The following CHST11 variants were observed in gnomAD, a reference collection of about 807,000 sequenced individuals.
CHST11 encodes the protein carbohydrate sulfotransferase 11.
In CHST11, 9 loss-of-function variants were observed where a neutral mutation model predicts 30.4. The ratio of observed to expected loss-of-function variants is 0.30; its 90% CI spans 0.18 to 0.52. The LOEUF (loss-of-function observed/expected upper bound fraction) is 0.52. Ranked by LOEUF, CHST11 falls within the 20% of genes least tolerant of loss-of-function variation. The pLI is 0.97. For synonymous variants in CHST11, 152 were observed against 187.8 expected (o/e 0.81, Z 1.56); for missense variants, 348 against 460.6 (o/e 0.76, Z 2.24).
At chr12:104,573,253 A>G (rs1345591811) in intron 1 of CHST11, among the ~76,000 whole-genome samples, 3 of 152,154 alleles carry the variant, frequency 2.0e-5, no homozygotes, top group Non-Finnish European at 4.4e-5. Context: ...ATGGATAGGA[A>G]GAATCAATAT....
chr12:104,520,133 A>G (rs1302147700), intron 1 of CHST11, among the ~76,000 whole-genome samples: 3 of 152,130 alleles, frequency 2.0e-5, no homozygotes, highest in Non-Finnish European at 4.4e-5. Context: ...CACCCATGCT[A>G]CAGGCAGTAA....
At chr12:104,705,039 A>T (rs1314623890) in intron 2 of CHST11, among the ~76,000 whole-genome samples, 1 of 151,128 alleles carries the variant, frequency 6.6e-6, no homozygotes, top group Admixed American at 6.6e-5. Context: ...ATAATATGAA[A>T]CTCTCCTTCC....
At chr12:104,565,369 C>T (rs956979589) in intron 1 of CHST11, among the ~76,000 whole-genome samples, 1 of 148,308 alleles carries the variant, frequency 6.7e-6, no homozygotes, top group East Asian at 2.0e-4. Flanking sequence ...CAGGTTCAAG[C>T]GATTCTCCTG....
At chr12:104,613,092 G>T (rs2039074743) in intron 2 of CHST11, among the ~76,000 whole-genome samples, 1 of 151,924 alleles carries the variant, frequency 6.6e-6, no homozygotes, top group Non-Finnish European at 1.5e-5. Flanking sequence ...AGGCATGGTG[G>T]CACGTGCCTG....
At chr12:104,675,742 A>G (rs1345305038) in intron 2 of CHST11, among the ~76,000 whole-genome samples, 1 of 152,216 alleles carries the variant, frequency 6.6e-6, no homozygotes, top group African/African-American at 2.4e-5. Context: ...TAACATTGCC[A>G]TTCTTACAGG....
At position 104,457,334 on chromosome 12, in the gene CHST11, T is replaced by C. The variant is rs111789728; in HGVS notation, c.-78T>C. On this transcript the variant is annotated 5_prime_UTR_variant, in exon 1 of 3. Transcript: ENST00000303694. ...CTGCCCCGCGCCTCCCGGGCTCCGG[T>C]CCGCGCGGCGGGGTCCCTGCTCCTG... The C allele has an allele frequency of 0.12, 120,396 of 1,020,468 alleles. 7,986 individuals carry two copies. Among genetic ancestry groups the C allele is most frequent in the African/African-American group, 0.21 (13,112 of 62,948 alleles). 63.2% of individuals were successfully genotyped at this position (1,020,468 alleles called of 1,614,324 possible). A position where few individuals can be genotyped will look rare whatever the true frequency, so the allele number is the denominator to read the frequency against.
intron 1 of CHST11, among the ~76,000 whole-genome samples, chr12:104,554,385 C>T (rs1223075861): frequency 1.3e-5 from 2 of 152,160 alleles, no homozygotes; most frequent in Non-Finnish European, 2.9e-5. Flanking sequence ...AAATGCCCAT[C>T]TTGATGGGCC....
intron 2 of CHST11, among the ~76,000 whole-genome samples, chr12:104,603,104 G>A (rs554413729): frequency 1.3e-5 from 2 of 152,120 alleles, no homozygotes; most frequent in Non-Finnish European, 2.9e-5. Flanking sequence ...TACTGGGTTC[G>A]GTGGTGACTC....
chr12:104,509,508 G>A (rs2037941476), intron 1 of CHST11, among the ~76,000 whole-genome samples: 1 of 152,192 alleles, frequency 6.6e-6, no homozygotes, highest in South Asian at 2.1e-4. Context: ...CAGAAAACAT[G>A]TCTCTGTACC....
intron 2 of CHST11, among the ~76,000 whole-genome samples, chr12:104,714,192 G>C (rs949667902): frequency 8.5e-5 from 13 of 152,198 alleles, no homozygotes; most frequent in African/African-American, 2.9e-4. Flanking sequence ...ACTAAGGGGA[G>C]CCCCATCCCT....
intron 2 of CHST11, among the ~76,000 whole-genome samples, chr12:104,713,786 C>G (rs985205636): frequency 6.6e-6 from 1 of 152,234 alleles, no homozygotes; most frequent in Non-Finnish European, 1.5e-5. Context: ...GCAGCCAGGG[C>G]TTCCTAACCG....
chr12:104,498,299 C>T (rs1282170993), intron 1 of CHST11, among the ~76,000 whole-genome samples: 1 of 152,122 alleles, frequency 6.6e-6, no homozygotes, highest in Non-Finnish European at 1.5e-5. Context: ...TAACAGTTGC[C>T]ATCTCTGTCA....
intron 2 of CHST11, among the ~76,000 whole-genome samples, chr12:104,662,788 G>A (rs183910919): frequency 2.6e-5 from 4 of 152,088 alleles, no homozygotes; most frequent in African/African-American, 9.6e-5. Context: ...ATACAAGTAG[G>A]GTTTATTGCT....
chr12:104,658,138 C>G (rs979815767), intron 2 of CHST11, among the ~76,000 whole-genome samples: 3 of 152,242 alleles, frequency 2.0e-5, no homozygotes, highest in Non-Finnish European at 4.4e-5. Context: ...CCTGCAGTGC[C>G]TCTTGGTGAG....
chr12:104,717,577 G>T (rs1410451474), intron 2 of CHST11, among the ~76,000 whole-genome samples: 1 of 152,090 alleles, frequency 6.6e-6, no homozygotes, highest in Non-Finnish European at 1.5e-5. Flanking sequence ...TTCGAGACCA[G>T]CCTAGCAAAT....
intron 2 of CHST11, among the ~76,000 whole-genome samples, chr12:104,728,227 C>A (rs1015622791): frequency 6.6e-6 from 1 of 152,140 alleles, no homozygotes; most frequent in Non-Finnish European, 1.5e-5. Flanking sequence ...AAGTCTTCAG[C>A]AGGAACTGAT....
At chr12:104,645,606 A>C (rs2039420683) in intron 2 of CHST11, among the ~76,000 whole-genome samples, 2 of 151,316 alleles carry the variant, frequency 1.3e-5, no homozygotes, top group African/African-American at 4.9e-5. Flanking sequence ...CCACCCACTC[A>C]CCTTCCCCTG....
At chr12:104,662,496 A>G (rs1028952100) in intron 2 of CHST11, among the ~76,000 whole-genome samples, 1 of 152,168 alleles carries the variant, frequency 6.6e-6, no homozygotes, top group Non-Finnish European at 1.5e-5. Flanking sequence ...ATTCCCAGTC[A>G]TGACTCAAAC....
chr12:104,495,405 C>T (rs563383116), intron 1 of CHST11, among the ~76,000 whole-genome samples: 1 of 152,240 alleles, frequency 6.6e-6, no homozygotes, highest in South Asian at 2.1e-4. Context: ...CACTCTTTTC[C>T]ACAGTGGTCG....
Sources: allele counts gnomAD v4.1 joint callset (sites outside exome capture counted in the v4.1 genomes callset), GRCh38; gene constraint gnomAD v4.1.1; transcripts MANE v1.5; gene names NCBI Gene and HGNC (gene_info 2026-07-23, HGNC 2026-07-21).